The following TRAPPC11 variants were observed in gnomAD, a reference collection of about 807,000 sequenced individuals.
TRAPPC11 encodes trafficking protein particle complex subunit 11.
A neutral mutation model predicts 151.2 loss-of-function variants in TRAPPC11; 104 were observed. That is an observed-to-expected ratio of 0.69 (90% CI 0.59 to 0.81). The LOEUF (loss-of-function observed/expected upper bound fraction) is 0.81, where lower values mean the gene tolerates loss of function less well. Among genes scored for constraint, TRAPPC11 ranks in the 30% least tolerant of loss-of-function variants. The pLI is 0.00. For missense variants in TRAPPC11, 1,230 were observed against 1,349.6 expected (o/e 0.91, Z 1.39); for synonymous variants, 456 against 472.3 (o/e 0.97, Z 0.45).
chr4:183,663,655 C>T (rs917478608), intron 1 of TRAPPC11, among the ~76,000 whole-genome samples, 192 bp from the exon 2 acceptor site: 23 of 152,002 alleles, frequency 1.5e-4, no homozygotes, highest in African/African-American at 5.3e-4. Flanking sequence ...ATGCGTGAGC[C>T]ACCATGCCTG....
intron 26 of TRAPPC11, among the ~76,000 whole-genome samples, chr4:183,704,706 G>A (rs533897841): frequency 4.6e-5 from 7 of 152,038 alleles, no homozygotes; most frequent in African/African-American, 9.6e-5. Flanking sequence ...CCAGCTACTC[G>A]GGAGGCTGAG....
At chr4:183,701,641 C>G in intron 25 of TRAPPC11, 56 bp from the exon 26 acceptor site, 3 of 1,207,572 alleles carry the variant, frequency 2.5e-6, no homozygotes, top group Non-Finnish European at 3.7e-6. Flanking sequence ...GGATGTGAAA[C>G]TCTCCTTTTG....
chr4:183,704,273 C>T (rs1476587325), intron 26 of TRAPPC11, among the ~76,000 whole-genome samples: 1 of 152,190 alleles, frequency 6.6e-6, no homozygotes, highest in Non-Finnish European at 1.5e-5. Flanking sequence ...GTAATCCCAG[C>T]ACTTTGGGAA....
At chr4:183,707,804 C>A (rs1474040979) in intron 28 of TRAPPC11, among the ~76,000 whole-genome samples, 1 of 152,114 alleles carries the variant, frequency 6.6e-6, no homozygotes, top group Non-Finnish European at 1.5e-5. Context: ...GAGCTTTTTT[C>A]TTGAGTGTCT....
At chr4:183,696,275 CTCTG>C (rs1376688986) in intron 23 of TRAPPC11, among the ~76,000 whole-genome samples, 1 of 152,216 alleles carries the variant, frequency 6.6e-6, no homozygotes, top group Non-Finnish European at 1.5e-5. Context: ...TAGAATTCAG[CTCTG>C]TCTGGCATTA....
chr4:183,693,203 T>A (rs910315176), intron 20 of TRAPPC11, 56 bp downstream of exon 20: 20 of 1,375,322 alleles, frequency 1.5e-5, no homozygotes, highest in Non-Finnish European at 1.8e-5. Flanking sequence ...TCTTTTGCTA[T>A]TTTTTTTGGA....
intron 17 of TRAPPC11, among the ~76,000 whole-genome samples, chr4:183,686,177 C>A (rs1735955776): frequency 6.6e-6 from 1 of 152,122 alleles, no homozygotes. Context: ...TGCTCTGTCA[C>A]CTAGGCTGGA....
intron 25 of TRAPPC11, 122 bp from the exon 26 acceptor site, chr4:183,701,575 A>G (rs1011141154): frequency 3.0e-6 from 2 of 664,420 alleles, no homozygotes; most frequent in South Asian, 3.7e-5. Flanking sequence ...CCTACTTTCT[A>G]AGTCTCTACA....
At chr4:183,660,614 G>A (rs1734431208) in intron 1 of TRAPPC11, among the ~76,000 whole-genome samples, 1 of 152,138 alleles carries the variant, frequency 6.6e-6, no homozygotes, top group African/African-American at 2.4e-5. Flanking sequence ...AAAGACCACA[G>A]CTATGTCTTT....
At chr4:183,688,949 C>T (rs1342051189) in intron 18 of TRAPPC11, among the ~76,000 whole-genome samples, 2 of 152,102 alleles carry the variant, frequency 1.3e-5, no homozygotes, top group Non-Finnish European at 2.9e-5. Context: ...GAGTGTTGCT[C>T]AGGCTGGTCT....
intron 3 of TRAPPC11, chr4:183,666,787 G>C: frequency 2.3e-6 from 1 of 432,774 alleles, no homozygotes; most frequent in Non-Finnish European, 4.1e-6. Flanking sequence ...CCATAAAGAA[G>C]TAAGTTGCAT....
chr4:183,682,130 G>C (rs1467368771), intron 10 of TRAPPC11, among the ~76,000 whole-genome samples: 1 of 152,156 alleles, frequency 6.6e-6, no homozygotes, highest in Non-Finnish European at 1.5e-5. Context: ...TGTGAAATCT[G>C]GAAGAATGAT....
intron 4 of TRAPPC11, 25 bp downstream of exon 4, chr4:183,667,155 T>G (rs1250518705): frequency 1.3e-6 from 2 of 1,573,594 alleles, no homozygotes; most frequent in Non-Finnish European, 1.7e-6. Context: ...ATTAATGAAT[T>G]AATTGTTTTA....
intron 5 of TRAPPC11, among the ~76,000 whole-genome samples, chr4:183,671,864 T>G (rs1490541129): frequency 6.6e-6 from 1 of 152,220 alleles, no homozygotes; most frequent in African/African-American, 2.4e-5. Flanking sequence ...AATATACATG[T>G]GTTCTAATAA....
intron 25 of TRAPPC11, among the ~76,000 whole-genome samples, chr4:183,699,838 T>A (rs1736716430): frequency 1.3e-5 from 2 of 152,112 alleles, no homozygotes; most frequent in Non-Finnish European, 2.9e-5. Flanking sequence ...AATTGGTTTT[T>A]TTTTTTTTGA....
intron 25 of TRAPPC11, among the ~76,000 whole-genome samples, chr4:183,698,258 A>C (rs1268969076): frequency 1.3e-5 from 2 of 152,236 alleles, no homozygotes; most frequent in Non-Finnish European, 2.9e-5. Context: ...TCACCCTACT[A>C]AAACAATTTG....
At chr4:183,688,396 TC>T (rs1736094064) in intron 18 of TRAPPC11, among the ~76,000 whole-genome samples, 1 of 152,094 alleles carries the variant, frequency 6.6e-6, no homozygotes, top group African/African-American at 2.4e-5. Flanking sequence ...TCTGGGAAAG[TC>T]ACACCTCACT....
At chr4:183,685,595 A>G (rs890512889) in intron 17 of TRAPPC11, among the ~76,000 whole-genome samples, 192 bp downstream of exon 17, 1 of 152,180 alleles carries the variant, frequency 6.6e-6, no homozygotes, top group Non-Finnish European at 1.5e-5. Flanking sequence ...TACTTGACTT[A>G]TGTTTTAAAA....
intron 10 of TRAPPC11, among the ~76,000 whole-genome samples, chr4:183,681,136 A>G (rs1735666590): frequency 6.6e-6 from 1 of 151,390 alleles, no homozygotes. Context: ...AACGTGGTAT[A>G]TATATATAAA....
Sources: gnomAD v4.1 joint callset for allele counts (sites outside exome capture counted in the v4.1 genomes callset) on GRCh38, gnomAD v4.1.1 for gene constraint, MANE v1.5 for transcripts, NCBI Gene and HGNC (gene_info 2026-07-23, HGNC 2026-07-21) for gene names.